Variants in TECRL observed in about 807,000 individuals in gnomAD.
The protein encoded by TECRL is trans-2,3-enoyl-CoA reductase like, also known as trans-2,3-enoyl-CoA reductase-like.
TECRL carries 63 observed loss-of-function variants against 52.8 expected under a neutral mutation model. The observed-to-expected ratio is 1.19, with a 90% CI of 0.97 to 1.47. The LOEUF is 1.47. Among genes scored for constraint, TECRL ranks in the 40% most tolerant of loss-of-function variants. The pLI is 0.00. For synonymous variants in TECRL, 164 were observed against 141.9 expected (o/e 1.16, Z -1.10); for missense variants, 482 against 429.6 (o/e 1.12, Z -1.08).
chr4:64,323,889 T>TAAG (rs1718072151), intron 3 of TECRL, among the ~76,000 whole-genome samples: 1 of 152,176 alleles, frequency 6.6e-6, no homozygotes, highest in Non-Finnish European at 1.5e-5. Flanking sequence ...TAAGGTATTT[T>TAAG]AAGTGTGTGG....
intron 2 of TECRL, among the ~76,000 whole-genome samples, chr4:64,369,217 ACT>A (rs900240903): frequency 1.1e-4 from 16 of 152,012 alleles, no homozygotes; most frequent in African/African-American, 3.6e-4. Context: ...TCATTCATTG[ACT>A]CTTTCAATTT....
chr4:64,382,968 C>G (rs1487006444), intron 1 of TECRL, among the ~76,000 whole-genome samples: 1 of 152,088 alleles, frequency 6.6e-6, no homozygotes, highest in Non-Finnish European at 1.5e-5. Flanking sequence ...CTTGTAGGAT[C>G]AGTCTTGTGG....
chr4:64,409,210 G>T lies in TECRL; in HGVS notation c.142C>A (p.Pro48Thr). ...KLVLSAGPLR[P>T]TPAVKHSKTT... ...TTTGAATGTTTGACTGCTGGAGTTG[G>T]TCTTAGAGGGCCCGCTGAGAGTACA... Residue 48 changes from proline (P) to threonine (T), a missense_variant, in exon 1 of 12, where the codon CCA becomes ACA. Coordinates refer to ENST00000381210, the MANE Select transcript of TECRL (RefSeq NM_001010874.5). 6.2e-7 allele frequency: 1 copy of T among 1,613,756 alleles called. No homozygotes were observed. The highest frequency in any genetic ancestry group is 8.5e-7 in the Non-Finnish European group (1 of 1,179,822).
chr4:64,395,533 A>G (rs1723881073), intron 1 of TECRL, among the ~76,000 whole-genome samples: 1 of 152,196 alleles, frequency 6.6e-6, no homozygotes, highest in South Asian at 2.1e-4. Context: ...TCAGACTACC[A>G]AAATGTATTG....
chr4:64,325,630 A>G (rs931541566), intron 3 of TECRL, among the ~76,000 whole-genome samples: 4 of 152,204 alleles, frequency 2.6e-5, no homozygotes, highest in African/African-American at 9.6e-5. Flanking sequence ...CAAAATTGTC[A>G]GTAGTATTAA....
intron 2 of TECRL, among the ~76,000 whole-genome samples, chr4:64,373,100 T>C (rs1031186403): frequency 1.3e-5 from 2 of 151,692 alleles, no homozygotes; most frequent in Non-Finnish European, 3.0e-5. Context: ...TTATATAATG[T>C]AATGCAGCAA....
At chr4:64,367,187 G>A (rs1721660777) in intron 2 of TECRL, among the ~76,000 whole-genome samples, 1 of 152,052 alleles carries the variant, frequency 6.6e-6, no homozygotes, top group Non-Finnish European at 1.5e-5. Context: ...AAAGCACTAA[G>A]TACACATGGA....
chr4:64,384,060 G>A (rs983184621), intron 1 of TECRL, among the ~76,000 whole-genome samples: 4 of 152,122 alleles, frequency 2.6e-5, no homozygotes, highest in African/African-American at 9.7e-5. Context: ...AGGCTGTGGT[G>A]AGGCTTTACT....
At chr4:64,342,116 C>G (rs1291124622) in intron 2 of TECRL, among the ~76,000 whole-genome samples, 2 of 152,112 alleles carry the variant, frequency 1.3e-5, no homozygotes, top group Admixed American at 1.3e-4. Flanking sequence ...AAAGCAACAC[C>G]CTAAAAATCT....
intron 1 of TECRL, among the ~76,000 whole-genome samples, chr4:64,396,691 T>C (rs1279764662): frequency 1.3e-5 from 2 of 152,156 alleles, no homozygotes; most frequent in African/African-American, 2.4e-5. Context: ...TATTATGTTG[T>C]AATTGCTTTG....
intron 3 of TECRL, among the ~76,000 whole-genome samples, chr4:64,328,293 C>T (rs945026576): frequency 1.3e-5 from 2 of 151,938 alleles, no homozygotes; most frequent in Non-Finnish European, 2.9e-5. Context: ...ATTTTAGTTT[C>T]AGAATCTGCT....
intron 2 of TECRL, among the ~76,000 whole-genome samples, chr4:64,373,257 G>A (rs577606445): frequency 4.0e-5 from 6 of 151,364 alleles, no homozygotes; most frequent in Admixed American, 1.3e-4. Context: ...TTTTGAAAAA[G>A]TGAAAAAAGT....
At chr4:64,324,830 T>A (rs1371422870) in intron 3 of TECRL, among the ~76,000 whole-genome samples, 1 of 152,148 alleles carries the variant, frequency 6.6e-6, no homozygotes, top group African/African-American at 2.4e-5. Flanking sequence ...GTGAATGTAG[T>A]CCTGTGTTTA....
At chr4:64,287,521 T>C (rs1723138373) in intron 9 of TECRL, among the ~76,000 whole-genome samples, 2 of 152,074 alleles carry the variant, frequency 1.3e-5, no homozygotes, top group South Asian at 4.1e-4. Context: ...TTATATAGGG[T>C]TAGCAGTTGG....
intron 2 of TECRL, among the ~76,000 whole-genome samples, chr4:64,365,929 G>A (rs758464568): frequency 1.3e-5 from 2 of 151,724 alleles, no homozygotes; most frequent in Non-Finnish European, 2.9e-5. Context: ...ACAGCCAAAG[G>A]AATCCTAAGC....
intron 1 of TECRL, among the ~76,000 whole-genome samples, chr4:64,385,052 C>G (rs1723080461): frequency 6.6e-6 from 1 of 152,104 alleles, no homozygotes; most frequent in African/African-American, 2.4e-5. Flanking sequence ...GATCTGCTGT[C>G]AGGTTTTCCT....
At chr4:64,334,004 C>G (rs1230483964) in intron 2 of TECRL, among the ~76,000 whole-genome samples, 1 of 81,642 alleles carries the variant, frequency 1.2e-5, no homozygotes, top group African/African-American at 5.2e-5. Context: ...GCAGTCCGGC[C>G]TGGGCGACAG....
chr4:64,327,785 C>T (rs535231249), intron 3 of TECRL, among the ~76,000 whole-genome samples: 1 of 151,626 alleles, frequency 6.6e-6, no homozygotes, highest in Non-Finnish European at 1.5e-5. Context: ...GAGAGGGCAA[C>T]CTAAATATTA....
At chr4:64,371,727 T>C (rs1185229884) in intron 2 of TECRL, among the ~76,000 whole-genome samples, 1 of 151,774 alleles carries the variant, frequency 6.6e-6, no homozygotes, top group East Asian at 1.9e-4. Context: ...TCAACTGTTC[T>C]GTCCCGTCAT....
Sources: allele counts gnomAD v4.1 joint callset (sites outside exome capture counted in the v4.1 genomes callset), GRCh38; gene constraint gnomAD v4.1.1; transcripts MANE v1.5; gene names NCBI Gene and HGNC (gene_info 2026-07-23, HGNC 2026-07-21).